The following CNOT10 variants were observed in gnomAD, a reference collection of about 807,000 sequenced individuals.
The protein encoded by CNOT10 is CCR4-NOT transcription complex, subunit 10.
CNOT10 carries 30 observed loss-of-function variants against 94.6 expected under a neutral mutation model. That is an observed-to-expected ratio of 0.32 (90% confidence interval 0.24 to 0.43). The LOEUF is 0.43. CNOT10 is among the 20% of genes least tolerant of loss of function. The pLI, the probability that CNOT10 is intolerant of heterozygous loss-of-function variation, is 1.00. For synonymous variants in CNOT10, 289 were observed against 301.6 expected, an observed-to-expected ratio of 0.96 and a Z score of 0.43; for missense variants, 759 against 877.2, an observed-to-expected ratio of 0.87 and a Z score of 1.70.
intron 10 of CNOT10, among the ~76,000 whole-genome samples, chr3:32,730,056 C>A (rs1421627058): frequency 6.6e-6 from 1 of 152,050 alleles, no homozygotes. Flanking sequence ...GCGTGAGCCA[C>A]CGCGCCCGGC....
intron 13 of CNOT10, among the ~76,000 whole-genome samples, chr3:32,755,752 C>T (rs1575297088): frequency 7.2e-6 from 1 of 138,794 alleles, no homozygotes. Flanking sequence ...CTTTCTTTTC[C>T]TTTCCTTTTT....
rs1698301014 is a variant in CNOT10, at chr3:32,720,041, C to G, written c.745-73C>G. On this transcript the variant is annotated intron_variant, in intron 7 of 18. Coordinates refer to ENST00000328834, the MANE Select transcript of CNOT10 (RefSeq NM_015442.3). ...ATTTATGGTTTTGAACACGTCAGTA[C>G]AACAGTATAATTAAGATCTTACATT... is the stretch of plus-strand genomic sequence containing the variant. 5 of 679,476 alleles carry G rather than the reference C, an allele frequency of 7.4e-6. No individual in the cohort carries two copies. The South Asian group carries it at 1.4e-4, about 19-fold the overall frequency. The allele number at this position is 679,476 out of a possible 1,614,324, so 42.1% of individuals were successfully genotyped here. A position where few individuals can be genotyped will look rare whatever the true frequency, so the allele number is the denominator to read the frequency against.
At chr3:32,745,216 T>C (rs918266685) in intron 13 of CNOT10, among the ~76,000 whole-genome samples, 1 of 152,224 alleles carries the variant, frequency 6.6e-6, no homozygotes, top group Non-Finnish European at 1.5e-5. Flanking sequence ...AGAGTACTTA[T>C]AATACCTAGT....
At chr3:32,710,124 GC>G (rs1367254803) in intron 4 of CNOT10, among the ~76,000 whole-genome samples, 1 of 118,364 alleles carries the variant, frequency 8.4e-6, no homozygotes, top group African/African-American at 3.3e-5. Flanking sequence ...TCCAGCCTGA[GC>G]AACAAGAGCA....
chr3:32,712,338 T>A (rs1697931868), intron 4 of CNOT10, among the ~76,000 whole-genome samples: 1 of 152,192 alleles, frequency 6.6e-6, no homozygotes. Context: ...AAAAGTTAAA[T>A]GATGTACAGA....
At chr3:32,736,995 C>T (rs1699216135) in intron 12 of CNOT10, among the ~76,000 whole-genome samples, 1 of 152,106 alleles carries the variant, frequency 6.6e-6, no homozygotes. Context: ...CATTGTTTAA[C>T]TCTTTTACAC....
chr3:32,759,377 G>A (rs1312686996), intron 13 of CNOT10, 81 bp from the exon 14 acceptor site: 7 of 947,818 alleles, frequency 7.4e-6, no homozygotes, highest in African/African-American at 6.5e-5. Context: ...ACAGCTAAAG[G>A]GCATTTCTTC....
At chr3:32,772,099 C>T (rs1292763270) in intron 18 of CNOT10, among the ~76,000 whole-genome samples, 6 of 152,194 alleles carry the variant, frequency 3.9e-5, no homozygotes, top group East Asian at 1.9e-4. Context: ...GCATGTAATC[C>T]CAACACTTTG....
intron 13 of CNOT10, among the ~76,000 whole-genome samples, chr3:32,746,856 A>T (rs919222736): frequency 7.1e-6 from 1 of 141,094 alleles, no homozygotes; most frequent in Admixed American, 7.2e-5. Flanking sequence ...AAAAAAAAAA[A>T]AGATATGCAC....
chr3:32,697,594 C>G (rs1335682769), intron 1 of CNOT10, among the ~76,000 whole-genome samples: 1 of 152,148 alleles, frequency 6.6e-6, no homozygotes, highest in African/African-American at 2.4e-5. Context: ...CCTCACCTCC[C>G]CAAGTAGCTG....
In CNOT10 at chr3:32,737,287, C is replaced by A. The variant is rs113319914; in HGVS notation, c.1515-123C>A. On this transcript the variant is annotated intron_variant, in intron 12 of 18. Coordinates refer to ENST00000328834, the MANE Select transcript of CNOT10 (RefSeq NM_015442.3). ...TTGAGATCGTGCAATTGCACTCCATCCTGAGCGACGAGCAAAACTCTGTCT... is the reference window on the plus strand; with the variant it reads ...TTGAGATCGTGCAATTGCACTCCATACTGAGCGACGAGCAAAACTCTGTCT... 4.9e-6 allele frequency: 3 copies of A among 617,056 alleles called. No homozygotes were observed. In the East Asian group the frequency reaches 8.9e-5, roughly 18 times the overall value. The allele number at this position is 617,056 out of a possible 1,614,324, so 38.2% of individuals were successfully genotyped here.
At chr3:32,695,561 T>C (rs759785765) in intron 1 of CNOT10, 13 of 1,525,526 alleles carry the variant, frequency 8.5e-6, no homozygotes, top group Non-Finnish European at 1.1e-5. Context: ...TGATTTTCAG[T>C]TTTGAAAACG....
chr3:32,732,423 T>C (rs1699001062), intron 10 of CNOT10, among the ~76,000 whole-genome samples: 1 of 150,404 alleles, frequency 6.6e-6, no homozygotes, highest in Non-Finnish European at 1.5e-5. Flanking sequence ...AAAAAATAAA[T>C]AGAAAAATTA....
At chr3:32,735,566 G>A (rs1421936900) in intron 12 of CNOT10, among the ~76,000 whole-genome samples, 3 of 151,770 alleles carry the variant, frequency 2.0e-5, no homozygotes, top group Non-Finnish European at 4.4e-5. Flanking sequence ...AATTAGCTGG[G>A]CGTGGTGGTG....
rs760329147 is a variant in CNOT10 at position 32,708,783 on chromosome 3, A to G, written c.393A>G (p.Ser131=). 8 of 1,612,632 alleles carry G rather than the reference A, an allele frequency of 5.0e-6. No homozygotes were observed. Among genetic ancestry groups the G allele is most frequent in the South Asian group, 1.1e-5 (1 of 90,920 alleles). ...TGCGGCAGTATACAGAAGCCATATC[A>G]GTTGGTGAAAAACTTTATCAGTTCA... ...YHLRQYTEAI[S]VGEKLYQFIE... is the part of the protein sequence containing the mutation. Residue 131 remains serine (S), a synonymous_variant, in exon 4 of 19, where the codon TCA becomes TCG. Transcript: ENST00000328834.
intron 13 of CNOT10, among the ~76,000 whole-genome samples, chr3:32,752,065 G>C (rs1407079210): frequency 6.6e-6 from 1 of 151,898 alleles, no homozygotes; most frequent in Non-Finnish European, 1.5e-5. Context: ...GAGGCAGGTG[G>C]ATCACCTGAG....
intron 8 of CNOT10, among the ~76,000 whole-genome samples, chr3:32,723,297 C>A (rs1658096242): frequency 1.3e-5 from 2 of 151,044 alleles, no homozygotes; most frequent in South Asian, 4.2e-4. Flanking sequence ...GGAGGCTGAG[C>A]AGGAGAATGG....
Position 32,729,553 on chromosome 3 carries a change from A to G in CNOT10, c.1215+1683A>G, listed in dbSNP as rs1388982776. Among the ~76,000 whole-genome samples, 4 of 152,322 alleles carry G rather than the reference A, an allele frequency of 2.6e-5. No homozygotes were observed. In the East Asian group the frequency reaches 7.7e-4, roughly 29 times the overall value. On this transcript the variant is annotated intron_variant, in intron 10 of 18. Transcript: ENST00000328834. ...TGAACAGCAGTTTCTGAGAAGTACAAGAACTAAGGGGATTAAAGAAGTGTG... is the reference window on the plus strand; with the variant it reads ...TGAACAGCAGTTTCTGAGAAGTACAGGAACTAAGGGGATTAAAGAAGTGTG...
At chr3:32,730,280 A>G (rs555601517) in intron 10 of CNOT10, among the ~76,000 whole-genome samples, 6 of 152,270 alleles carry the variant, frequency 3.9e-5, no homozygotes, top group Admixed American at 3.3e-4. Context: ...ATTGTGTTCT[A>G]CAGAAGCCAT....
Sources: allele counts gnomAD v4.1 joint callset (sites outside exome capture counted in the v4.1 genomes callset), GRCh38; gene constraint gnomAD v4.1.1; transcripts MANE v1.5; gene names NCBI Gene and HGNC (gene_info 2026-07-23, HGNC 2026-07-21).